The following BPTF variants were observed in gnomAD, a reference collection of about 807,000 sequenced individuals.
The protein encoded by BPTF is nucleosome-remodeling factor subunit BPTF.
A neutral mutation model predicts 292.5 loss-of-function variants in BPTF; 18 were observed. The ratio of observed to expected loss-of-function variants is 0.06; its 90% CI spans 0.04 to 0.09. The LOEUF is 0.09. Ranked by LOEUF, BPTF falls within the 10% of genes least tolerant of loss-of-function variation. The pLI is 1.00. For missense variants in BPTF, 2,726 were observed against 3,498.7 expected, an observed-to-expected ratio of 0.78 and a Z score of 5.57; for synonymous variants, 1,225 against 1,251.9, an observed-to-expected ratio of 0.98 and a Z score of 0.45.
At chr17:67,924,403 C>A in intron 14 of BPTF, 144 bp from the exon 15 acceptor site, 1 of 850,388 alleles carries the variant, frequency 1.2e-6, no homozygotes, top group African/African-American at 1.7e-5. Context: ...GCATGAGCCA[C>A]CTCGCACAAC....
intron 1 of BPTF, among the ~76,000 whole-genome samples, chr17:67,844,108 CT>C (rs1333294054): frequency 5.8e-5 from 7 of 120,470 alleles, no homozygotes; most frequent in Non-Finnish European, 8.4e-5. Context: ...AAGATGGAGT[CT>C]CACTCTGTCA....
At chr17:67,928,818 G>C in intron 16 of BPTF, 1 of 943,926 alleles carries the variant, frequency 1.1e-6, no homozygotes, top group East Asian at 3.1e-5. Flanking sequence ...CATTTACATA[G>C]TTCACTTTGA....
chr17:67,888,239 C>T (rs928744243), intron 4 of BPTF, among the ~76,000 whole-genome samples: 2 of 152,118 alleles, frequency 1.3e-5, no homozygotes, highest in African/African-American at 2.4e-5. Flanking sequence ...CCCACAGTTA[C>T]ATCCTGTAAT....
intron 9 of BPTF, among the ~76,000 whole-genome samples, chr17:67,905,721 A>G (rs1568026666): frequency 1.3e-5 from 2 of 152,078 alleles, no homozygotes; most frequent in African/African-American, 4.8e-5. Context: ...AAAAAAAAAA[A>G]TCTTAATTCA....
At chr17:67,975,718 C>G (rs551960032) in intron 26 of BPTF, 54 bp from the exon 27 acceptor site, 2 of 1,486,716 alleles carry the variant, frequency 1.3e-6, no homozygotes, top group Non-Finnish European at 1.8e-6. Flanking sequence ...GGAGAATATT[C>G]ACATTGGAAA....
chr17:67,875,754 G>A (rs777235008), intron 4 of BPTF: 4 of 1,544,570 alleles, frequency 2.6e-6, no homozygotes, highest in Non-Finnish European at 3.5e-6. Flanking sequence ...GGTACAGAGG[G>A]CAGCGTATCA....
chr17:67,971,864 G>A (rs889475395), intron 26 of BPTF, among the ~76,000 whole-genome samples: 4 of 151,108 alleles, frequency 2.6e-5, no homozygotes, highest in South Asian at 4.2e-4. Context: ...AAAATTACAC[G>A]TTAGCAAATT....
intron 1 of BPTF, among the ~76,000 whole-genome samples, chr17:67,840,690 G>A (rs529814478): frequency 2.0e-5 from 3 of 152,010 alleles, no homozygotes; most frequent in Non-Finnish European, 4.4e-5. Context: ...AGCCTCTGAA[G>A]TAGTTGGGAC....
chr17:67,834,303 A>C (rs185636788), intron 1 of BPTF, among the ~76,000 whole-genome samples: 15 of 152,336 alleles, frequency 9.8e-5, no homozygotes, highest in African/African-American at 3.6e-4. Context: ...TAATTTTATA[A>C]AACATTTTTA....
chr17:67,937,436 G>GTAAA (rs771984251), intron 18 of BPTF, among the ~76,000 whole-genome samples: 1 of 152,028 alleles, frequency 6.6e-6, no homozygotes, highest in Non-Finnish European at 1.5e-5. Context: ...GAACGATAAT[G>GTAAA]TTTAGAGTTG....
chr17:67,853,987 G>A lies in BPTF; in HGVS notation c.661G>A (p.Glu221Lys). The change falls in exon 2 of 28, where the codon GAA becomes AAA. Residue 221 changes from glutamate to lysine, a missense_variant. By Grantham distance (56) the Glu-to-Lys change is moderately conservative (BLOSUM62 1). Coordinates refer to ENST00000306378, the MANE Select transcript of BPTF (RefSeq NM_182641.4). ...VHRPRSPILE[E>K]KDIPPLEFPK... The stretch of plus-strand genomic sequence containing the variant: ...TCGGCCTCGTTCTCCTATATTGGAA[G>A]AAAAAGACATCCCGCCCCTTGAATT... 1 of 1,614,112 alleles carries A rather than the reference G, an allele frequency of 6.2e-7. No homozygotes were observed. Among genetic ancestry groups the A allele is most frequent in the East Asian group, 2.2e-5 (1 of 44,880 alleles).
intron 27 of BPTF, 149 bp downstream of exon 27, chr17:67,976,107 A>G (rs2069378966): frequency 7.0e-6 from 4 of 573,310 alleles, no homozygotes; most frequent in Non-Finnish European, 8.2e-6. Context: ...CTCCAGGGTT[A>G]TGATCTACTG....
chr17:67,905,081 T>C (rs749692430), intron 9 of BPTF, among the ~76,000 whole-genome samples: 6 of 152,158 alleles, frequency 3.9e-5, no homozygotes, highest in Non-Finnish European at 7.3e-5. Context: ...AGAAGACGCC[T>C]CAGCCGCCTG....
At chr17:67,837,826 TAC>T in intron 1 of BPTF, among the ~76,000 whole-genome samples, 1 of 152,212 alleles carries the variant, frequency 6.6e-6, no homozygotes, top group Non-Finnish European at 1.5e-5. Flanking sequence ...TATTGGCAAA[TAC>T]ACTCACTTGC....
intron 3 of BPTF, among the ~76,000 whole-genome samples, chr17:67,873,990 T>TGTTG (rs1453162135): frequency 7.9e-6 from 1 of 125,812 alleles, no homozygotes; most frequent in Admixed American, 7.6e-5. Flanking sequence ...AGTAAGAAAA[T>TGTTG]GCTGGATGGA....
chr17:67,872,036 G>T (rs1437454602), intron 3 of BPTF, among the ~76,000 whole-genome samples: 1 of 152,036 alleles, frequency 6.6e-6, no homozygotes, highest in Non-Finnish European at 1.5e-5. Context: ...ATGTTGGTCA[G>T]ACTGGTCTCA....
intron 25 of BPTF, chr17:67,965,393 T>C (rs1272972112): frequency 6.6e-6 from 1 of 150,522 alleles, no homozygotes; most frequent in Non-Finnish European, 1.5e-5. Flanking sequence ...TAGCAAGTGA[T>C]AGAGATATAT....
At chr17:67,908,259 A>G (rs2062372032) in intron 9 of BPTF, among the ~76,000 whole-genome samples, 1 of 151,866 alleles carries the variant, frequency 6.6e-6, no homozygotes, top group Non-Finnish European at 1.5e-5. Flanking sequence ...CCCAGGTTGA[A>G]GCAATTCTCC....
chr17:67,848,586 T>C (rs2058196113), intron 1 of BPTF, among the ~76,000 whole-genome samples: 1 of 152,168 alleles, frequency 6.6e-6, no homozygotes, highest in Non-Finnish European at 1.5e-5. Flanking sequence ...TAGGCAAACT[T>C]TTTTTTAAAA....
Sources: allele counts gnomAD v4.1 joint callset (sites outside exome capture counted in the v4.1 genomes callset), GRCh38; gene constraint gnomAD v4.1.1; transcripts MANE v1.5; gene names NCBI Gene and HGNC (gene_info 2026-07-23, HGNC 2026-07-21).